The following CFAP70 variants were observed in gnomAD, a reference collection of about 807,000 sequenced individuals.
CFAP70 encodes cilia- and flagella-associated protein 70.
CFAP70 carries 81 observed loss-of-function variants against 137.6 expected under a neutral mutation model. The ratio of observed to expected loss-of-function variants is 0.59; its 90% CI spans 0.49 to 0.71. The LOEUF (loss-of-function observed/expected upper bound fraction) is 0.71. Ranked by LOEUF, CFAP70 falls within the 30% of genes least tolerant of loss-of-function variation. The pLI, the probability that CFAP70 is intolerant of heterozygous loss-of-function variation, is 0.00. For synonymous variants in CFAP70, 382 were observed against 423.6 expected (o/e 0.90, Z 1.20); for missense variants, 976 against 1,226.7 (o/e 0.80, Z 3.05).
Position 73,299,482 on chromosome 10 carries a change from T to C in CFAP70, c.1317+123A>G. ...TCACAAATGGAACCAGCAATGAAAA[T>C]ACGTAAAGCTTCAAACAAGTTTTCA... On this transcript the variant is annotated intron_variant, in intron 13 of 26. Coordinates refer to ENST00000310715, the Ensembl canonical transcript of CFAP70. 5 of 750,418 alleles carry C rather than the reference T, an allele frequency of 6.7e-6. No homozygotes were observed. In the South Asian group the frequency reaches 6.7e-5, roughly 10 times the overall value. The allele number at this position is 750,418 out of a possible 1,614,324, so 46.5% of individuals were successfully genotyped here.
chr10:73,351,424 T>C (rs1223334331), intron 3 of CFAP70, among the ~76,000 whole-genome samples: 3 of 148,082 alleles, frequency 2.0e-5, no homozygotes, highest in Non-Finnish European at 3.0e-5. Flanking sequence ...AGTCATTGTT[T>C]TTTTGTTTGT....
chr10:73,293,744 A>T (rs2048339583), intron 15 of CFAP70: 1 of 160,692 alleles, frequency 6.2e-6, no homozygotes, highest in African/African-American at 2.4e-5. Flanking sequence ...TATGACAAAT[A>T]CTATCATTTT....
intron 12 of CFAP70, among the ~76,000 whole-genome samples, chr10:73,303,012 C>G (rs1441516872): frequency 2.0e-5 from 3 of 151,204 alleles, no homozygotes; most frequent in Non-Finnish European, 1.5e-5. Context: ...CCCCACCGCC[C>G]CCCACCACCG....
At chr10:73,351,528 G>C (rs2054269554) in intron 3 of CFAP70, among the ~76,000 whole-genome samples, 2 of 152,058 alleles carry the variant, frequency 1.3e-5, no homozygotes, top group African/African-American at 4.8e-5. Flanking sequence ...CCACCTCTCA[G>C]GTTAAGTGAT....
At chr10:73,256,293 A>T in intron 26 of CFAP70, 76 bp downstream of exon 27, 1 of 1,531,252 alleles carries the variant, frequency 6.5e-7, no homozygotes, top group Non-Finnish European at 9.0e-7. Flanking sequence ...AAAGTCCTGA[A>T]TTAAGCCAGT....
chr10:73,331,125 C>T (rs969460008), intron 8 of CFAP70, 52 bp downstream of exon 9: 12 of 1,266,104 alleles, frequency 9.5e-6, no homozygotes, highest in South Asian at 2.5e-5. Flanking sequence ...AATAACAGGT[C>T]GGGTCTGATT....
At position 73,348,672 on chromosome 10, in the gene CFAP70, G is replaced by A. The variant is rs897322925; in HGVS notation, c.251-151C>T. ...GCACCAACATCACTGACTTCTGGTGGAAAATACTGGACCACTTCAGTGACT... is the reference window on the plus strand; with the variant it reads ...GCACCAACATCACTGACTTCTGGTGAAAAATACTGGACCACTTCAGTGACT... On this transcript the variant is annotated intron_variant, in intron 3 of 26. Coordinates refer to ENST00000310715, the Ensembl canonical transcript of CFAP70. The A allele has an allele frequency of 5.3e-6, 3 of 567,476 alleles. No homozygotes were observed. The African/African-American group carries it at 5.6e-5, about 11-fold the overall frequency. 35.2% of individuals were successfully genotyped at this position (567,476 alleles called of 1,614,324 possible).
At chr10:73,280,980 G>A (rs1039206373) in intron 19 of CFAP70, among the ~76,000 whole-genome samples, 1 of 151,926 alleles carries the variant, frequency 6.6e-6, no homozygotes, top group African/African-American at 2.4e-5. Flanking sequence ...AGCTTCTTAA[G>A]GTAGAATCTT....
intron 9 of CFAP70, among the ~76,000 whole-genome samples, chr10:73,322,577 A>T (rs921142619): frequency 6.7e-6 from 1 of 150,340 alleles, no homozygotes; most frequent in Non-Finnish European, 1.5e-5. Context: ...AAAAAAAAAA[A>T]AAAAAAAAAA....
chr10:73,335,554 T>C (rs778223432), intron 6 of CFAP70, 30 bp from the exon 8 acceptor site: 1 of 1,533,842 alleles, frequency 6.5e-7, no homozygotes, highest in Non-Finnish European at 9.0e-7. Context: ...CTGTTCTCGG[T>C]ATGTGTGCCA....
intron 25 of CFAP70, among the ~76,000 whole-genome samples, chr10:73,262,965 A>G (rs948989201): frequency 1.2e-4 from 18 of 152,234 alleles, no homozygotes; most frequent in Admixed American, 2.0e-4. Flanking sequence ...TCTAAAATCA[A>G]GGATATTCTC....
chr10:73,283,780 C>T (rs773956644), intron 19 of CFAP70, among the ~76,000 whole-genome samples: 13 of 152,106 alleles, frequency 8.5e-5, no homozygotes, highest in Admixed American at 1.3e-4. Flanking sequence ...TGGTCTCAAA[C>T]TCCTGGCCTC....
rs185935886 is a variant in CFAP70, at chr10:73,343,296, C to T, written c.400-1715G>A. Among the ~76,000 whole-genome samples the T allele has an allele frequency of 2.6e-5, 4 of 152,128 alleles. No homozygotes were observed. In the East Asian group the frequency reaches 7.8e-4, roughly 29 times the overall value. ...AGCAACTCAGTACCCAAGGGATAAG[C>T]TCATGAGCTGATGCTGCGCCAACCC... On this transcript the variant is annotated intron_variant, in intron 5 of 26. Coordinates refer to ENST00000310715, the Ensembl canonical transcript of CFAP70.
intron 19 of CFAP70, among the ~76,000 whole-genome samples, chr10:73,284,047 ATAT>A (rs2047460150): frequency 6.6e-6 from 1 of 152,224 alleles, no homozygotes; most frequent in African/African-American, 2.4e-5. Flanking sequence ...CAACACAAAC[ATAT>A]TATCTCATAG....
At chr10:73,304,290 G>A (rs894247375) in intron 12 of CFAP70, among the ~76,000 whole-genome samples, 61 of 152,274 alleles carry the variant, frequency 4.0e-4, no homozygotes, top group Non-Finnish European at 7.1e-4. Context: ...CTGACCTCAG[G>A]TGATTCACCT....
chr10:73,288,879 G>A (rs1349241313), intron 19 of CFAP70, among the ~76,000 whole-genome samples: 6 of 152,154 alleles, frequency 3.9e-5, no homozygotes, highest in Admixed American at 3.9e-4. Context: ...TTCAGTCATG[G>A]TTTCCCTATA....
chr10:73,269,704 G>T, exon 25 of CFAP70: 1 of 1,611,794 alleles, frequency 6.2e-7, no homozygotes, highest in South Asian at 1.1e-5. Context: ...CAGCCTCTGT[G>T]AGCTCCTCCA....
chr10:73,356,717 C>A (rs1170325030), intron 1 of CFAP70, among the ~76,000 whole-genome samples: 3 of 152,208 alleles, frequency 2.0e-5, no homozygotes, highest in African/African-American at 7.2e-5. Flanking sequence ...TTTAGTGGCA[C>A]TGACAACTTC....
intron 25 of CFAP70, among the ~76,000 whole-genome samples, chr10:73,258,556 GAA>G (rs2044760091): frequency 6.6e-6 from 1 of 152,212 alleles, no homozygotes; most frequent in Non-Finnish European, 1.5e-5. Flanking sequence ...CATCCAAAAG[GAA>G]CAGGATGGCT....
Sources: allele counts gnomAD v4.1 joint callset (sites outside exome capture counted in the v4.1 genomes callset), GRCh38; gene constraint gnomAD v4.1.1; transcripts MANE v1.5; gene names NCBI Gene and HGNC (gene_info 2026-07-23, HGNC 2026-07-21).